DDX60L: variants seen among roughly 807,000 people sequenced by gnomAD.
DDX60L encodes the protein probable ATP-dependent RNA helicase DDX60-like.
A neutral mutation model predicts 211.6 loss-of-function variants in DDX60L; 191 were observed. The observed-to-expected ratio is 0.90, with a 90% confidence interval of 0.80 to 1.02. The LOEUF is 1.02. DDX60L is among the 50% of genes least tolerant of loss of function. The pLI, the probability that DDX60L is intolerant of heterozygous loss-of-function variation, is 0.00. For missense variants in DDX60L, 2,007 were observed against 1,984.1 expected, an observed-to-expected ratio of 1.01 and a Z score of -0.22; for synonymous variants, 706 against 694.1, an observed-to-expected ratio of 1.02 and a Z score of -0.27.
chr4:168,367,722 T>C (rs971805003), intron 36 of DDX60L, among the ~76,000 whole-genome samples: 4 of 152,196 alleles, frequency 2.6e-5, no homozygotes, highest in Non-Finnish European at 5.9e-5. Context: ...CCCAAAATGC[T>C]GATAGCAATA....
chr4:168,427,788 A>T (rs1751701137), intron 13 of DDX60L, among the ~76,000 whole-genome samples: 1 of 152,236 alleles, frequency 6.6e-6, no homozygotes, highest in Non-Finnish European at 1.5e-5. Context: ...ATGTGGGGAA[A>T]AAAACAGAAA....
rs1758931075 is a variant in DDX60L at position 168,472,516 on chromosome 4, C to A, written c.13G>T (p.Asp5Tyr). 1.3e-6 allele frequency: 2 copies of A among 1,579,554 alleles called. No homozygotes were observed. Among genetic ancestry groups the A allele is most frequent in the East Asian group, 2.3e-5 (1 of 43,410 alleles). The stretch of plus-strand genomic sequence containing the variant: ...ATTTCCCTGAAAAATACTGCATGAT[C>A]CTTTGACCCTAAAAATAAGGAGATT... MGSKDHAVFFREMTQ... is the reference protein window; with the variant it reads MGSKYHAVFFREMTQ... The change falls in exon 3 of 38, where the codon GAT becomes TAT. Residue 5 changes from aspartate to tyrosine, a missense_variant. Coordinates refer to ENST00000682922, the MANE Select transcript of DDX60L (RefSeq NM_001012967.3).
At chr4:168,367,291 G>T (rs900949928) in intron 36 of DDX60L, among the ~76,000 whole-genome samples, 2 of 152,164 alleles carry the variant, frequency 1.3e-5, no homozygotes, top group African/African-American at 2.4e-5. Context: ...ATTTATGAGG[G>T]CGGGTCTTTT....
At chr4:168,376,827 T>C (rs566799463) in intron 33 of DDX60L, among the ~76,000 whole-genome samples, 1 of 152,338 alleles carries the variant, frequency 6.6e-6, no homozygotes, top group South Asian at 2.1e-4. Context: ...GCAACTATGT[T>C]TCCCAATCAT....
chr4:168,375,084 G>A (rs1420354964), intron 34 of DDX60L, among the ~76,000 whole-genome samples: 1 of 152,112 alleles, frequency 6.6e-6, no homozygotes, highest in African/African-American at 2.4e-5. Context: ...TTTCCAACCT[G>A]AACAGATAGG....
intron 26 of DDX60L, among the ~76,000 whole-genome samples, chr4:168,398,367 C>T (rs573543602): frequency 4.1e-4 from 62 of 152,316 alleles, no homozygotes; most frequent in African/African-American, 1.3e-3. Context: ...CCTGTTGACT[C>T]GGCTGTTTCC....
At chr4:168,372,283 A>G (rs913924471) in intron 35 of DDX60L, among the ~76,000 whole-genome samples, 4 of 152,114 alleles carry the variant, frequency 2.6e-5, no homozygotes, top group Non-Finnish European at 5.9e-5. Context: ...AGAAGAGGAG[A>G]AAATGAAGAG....
At chr4:168,474,215 C>T (rs1012477447) in intron 1 of DDX60L, among the ~76,000 whole-genome samples, 6 of 152,186 alleles carry the variant, frequency 3.9e-5, no homozygotes, top group Non-Finnish European at 8.8e-5. Flanking sequence ...AAGAAAGTGA[C>T]ATTTCAGATG....
intron 22 of DDX60L, among the ~76,000 whole-genome samples, chr4:168,407,037 T>C (rs1031083677): frequency 4.6e-5 from 7 of 152,154 alleles, no homozygotes; most frequent in Admixed American, 2.6e-4. Flanking sequence ...GGCTGGAAAA[T>C]ATGAGCTCTT....
intron 9 of DDX60L, among the ~76,000 whole-genome samples, chr4:168,443,736 G>T (rs1279998741): frequency 1.4e-3 from 213 of 149,956 alleles, no homozygotes; most frequent in African/African-American, 5.0e-3. Context: ...CATTCTTAAA[G>T]AAAAGAATTT....
intron 19 of DDX60L, among the ~76,000 whole-genome samples, chr4:168,418,940 C>G (rs1393653400): frequency 6.6e-6 from 1 of 152,210 alleles, no homozygotes; most frequent in Non-Finnish European, 1.5e-5. Context: ...CCTTGGCCAG[C>G]TGCATTTCTT....
chr4:168,408,099 T>C (rs1215400052), intron 22 of DDX60L, among the ~76,000 whole-genome samples: 1 of 152,198 alleles, frequency 6.6e-6, no homozygotes, highest in Non-Finnish European at 1.5e-5. Flanking sequence ...CCAAATATTC[T>C]GTCTATAAAT....
chr4:168,437,159 T>C (rs1753153529), intron 10 of DDX60L, among the ~76,000 whole-genome samples: 1 of 152,240 alleles, frequency 6.6e-6, no homozygotes, highest in Non-Finnish European at 1.5e-5. Context: ...CAAAGAGACA[T>C]GTTCGAGTCC....
chr4:168,400,867 T>C lies in DDX60L; in HGVS notation c.3450A>G (p.Ile1150Met). The C allele has an allele frequency of 1.2e-6, 2 of 1,613,520 alleles. No homozygotes were observed. The highest frequency in any genetic ancestry group is 1.7e-6 in the Non-Finnish European group (2 of 1,179,622). The change falls in exon 26 of 38, where the codon ATA becomes ATG. Residue 1150 changes from isoleucine (I) to methionine (M), a missense_variant. Coordinates refer to ENST00000682922, the MANE Select transcript of DDX60L (RefSeq NM_001012967.3). The part of the protein sequence containing the change: ...HTECHSYVFA[I>M]DEVLEKVRKT... ...TCCTCACTTTTTCAAGTACTTCATC[T>C]ATTGCAAAGACATAACTATGACATT...
rs867840056 is a variant in DDX60L, at chr4:168,426,655, C to A, written c.1930+415G>T. The stretch of plus-strand genomic sequence containing the variant: ...CCTGTCAATGCTTCTGCTGGCTAGA[C>A]GGGCAGAAACATGGAAAAACCCATG... On this transcript the variant is annotated intron_variant, in intron 14 of 37. Transcript: ENST00000682922. 3.3e-5 allele frequency among the ~76,000 whole-genome samples: 5 copies of A among 152,144 alleles called. 1 individual carries two copies. The South Asian group carries it at 1.0e-3, about 32-fold the overall frequency.
intron 4 of DDX60L, among the ~76,000 whole-genome samples, chr4:168,465,779 T>A (rs1046731190): frequency 6.6e-6 from 1 of 152,156 alleles, no homozygotes; most frequent in Non-Finnish European, 1.5e-5. Context: ...GTTCTTGATA[T>A]GTTTTTGTCA....
intron 23 of DDX60L, 148 bp from the exon 24 acceptor site, chr4:168,406,226 A>T (rs1747725089): frequency 1.4e-6 from 1 of 703,354 alleles, no homozygotes; most frequent in Non-Finnish European, 2.2e-6. Context: ...TTACCTCCCA[A>T]TAATTTCTAA....
chr4:168,403,946 A>G (rs753433723), intron 25 of DDX60L, 36 bp downstream of exon 25: 3 of 1,331,430 alleles, frequency 2.3e-6, no homozygotes, highest in Non-Finnish European at 3.0e-6. Flanking sequence ...AAATTCTCAC[A>G]TATAAACAAA....
Position 168,453,179 on chromosome 4 carries a change from C to G in DDX60L, c.941G>C (p.Cys314Ser). Reference protein sequence around the residue: ...QLHLPLSQRACSRVITCSWIR... With the variant: ...QLHLPLSQRASSRVITCSWIR... Reference sequence around the variant, plus strand: ...CCAAGAGCATGTGATGACTCGAGAACAAGCTCTCTGAGAAAGGGGTAAGTG... The same window carrying G: ...CCAAGAGCATGTGATGACTCGAGAAGAAGCTCTCTGAGAAAGGGGTAAGTG... The change falls in exon 8 of 38, where the codon TGT becomes TCT. Residue 314 changes from cysteine to serine, a missense_variant. Physicochemically the swap from Cys to Ser is moderately radical, Grantham distance 112. Coordinates refer to ENST00000682922, the MANE Select transcript of DDX60L (RefSeq NM_001012967.3). The G allele has an allele frequency of 3.7e-6, 6 of 1,613,332 alleles. No individual in the cohort carries two copies. Among genetic ancestry groups the G allele is most frequent in the Non-Finnish European group, 5.1e-6 (6 of 1,179,536 alleles).
Sources: gnomAD v4.1 joint callset for allele counts (sites outside exome capture counted in the v4.1 genomes callset) on GRCh38, gnomAD v4.1.1 for gene constraint, MANE v1.5 for transcripts, NCBI Gene and HGNC (gene_info 2026-07-23, HGNC 2026-07-21) for gene names.